RBFOX1: variants seen among roughly 807,000 people sequenced by gnomAD.
RBFOX1 encodes the protein RNA binding protein fox-1 homolog 1.
Under a neutral mutation model 57.7 loss-of-function variants are expected in RBFOX1, and 8 were observed. That is an observed-to-expected ratio of 0.14 (90% CI 0.08 to 0.25). The LOEUF (loss-of-function observed/expected upper bound fraction) is 0.25. Ranked by LOEUF, RBFOX1 falls within the 10% of genes least tolerant of loss-of-function variation. The pLI is 1.00. For missense variants in RBFOX1, 611 were observed against 548.5 expected (o/e 1.11, Z -1.14); for synonymous variants, 326 against 222.4 (o/e 1.47, Z -4.15).
Position 7,688,797 on chromosome 16 carries a change from AGTT to A in RBFOX1, c.995+11966_995+11968del, listed in dbSNP as rs1055972556. On this transcript the variant is annotated intron_variant, in intron 14 of 15. Transcript: ENST00000550418. ...CATGGCATATGCCATTTCATAATCA[AGTT>A]GTTGTTAGAATATGTTTTTAATTCT... Among the ~76,000 whole-genome samples the A allele has an allele frequency of 1.5e-4, 23 of 152,216 alleles. 1 individual carries two copies. The highest frequency in any genetic ancestry group is 6.2e-4 in the South Asian group (3 of 4,822).
intron 2 of RBFOX1, among the ~76,000 whole-genome samples, chr16:5,591,695 G>A (rs773916773): frequency 4.6e-5 from 7 of 152,154 alleles, no homozygotes; most frequent in East Asian, 1.9e-4. Context: ...TTTTCTCCCC[G>A]TCATTCCATA....
At chr16:6,695,579 A>G (rs2345613) in intron 3 of RBFOX1, among the ~76,000 whole-genome samples, 1 of 46,082 alleles carries the variant, frequency 2.2e-5, no homozygotes, top group Non-Finnish European at 1.1e-4. Flanking sequence ...AGTATGAGAT[A>G]TAGAATGATG....
chr16:7,065,641 C>T (rs893498558), intron 4 of RBFOX1, among the ~76,000 whole-genome samples: 4 of 152,210 alleles, frequency 2.6e-5, no homozygotes, highest in East Asian at 3.9e-4. Context: ...CACATACTTA[C>T]CTTATTTTTT....
At chr16:7,234,290 C>G (rs1225432791) in intron 4 of RBFOX1, among the ~76,000 whole-genome samples, 2 of 152,038 alleles carry the variant, frequency 1.3e-5, no homozygotes, top group Non-Finnish European at 1.5e-5. Context: ...GCTCATTTCT[C>G]AGTGGTTTAT....
At chr16:5,944,964 TAA>T (rs386384118) in intron 4 of RBFOX1, among the ~76,000 whole-genome samples, 8 of 48,050 alleles carry the variant, frequency 1.7e-4, no homozygotes, top group Non-Finnish European at 1.0e-4. Context: ...GACTCTGTCA[TAA>T]AAAAAAAAAA....
intron 5 of RBFOX1, among the ~76,000 whole-genome samples, chr16:7,533,505 A>G (rs1354233326): frequency 6.6e-6 from 1 of 152,222 alleles, no homozygotes; most frequent in African/African-American, 2.4e-5. Context: ...ATCCATCACA[A>G]GTTGAAAATG....
chr16:5,543,871 A>G (rs537809072), intron 2 of RBFOX1, among the ~76,000 whole-genome samples: 2 of 152,248 alleles, frequency 1.3e-5, no homozygotes, highest in African/African-American at 2.4e-5. Flanking sequence ...GTGTAAAGAT[A>G]GGGAGTAAAA....
chr16:6,730,042 G>A (rs1247488877), intron 3 of RBFOX1, among the ~76,000 whole-genome samples: 2 of 152,068 alleles, frequency 1.3e-5, no homozygotes, highest in African/African-American at 4.8e-5. Context: ...AATAATCATG[G>A]AGATAATCTT....
chr16:5,793,608 C>T (rs2054777562), intron 3 of RBFOX1, among the ~76,000 whole-genome samples: 1 of 152,156 alleles, frequency 6.6e-6, no homozygotes, highest in African/African-American at 2.4e-5. Context: ...CTCATCTTAC[C>T]CACTACTCAA....
At chr16:6,393,798 C>A (rs1016148865) in intron 2 of RBFOX1, among the ~76,000 whole-genome samples, 1 of 152,060 alleles carries the variant, frequency 6.6e-6, no homozygotes, top group Non-Finnish European at 1.5e-5. Flanking sequence ...TATGGGTGAC[C>A]AATTAATTCA....
intron 2 of RBFOX1, among the ~76,000 whole-genome samples, chr16:6,531,251 G>C (rs2096654046): frequency 6.6e-6 from 1 of 152,186 alleles, no homozygotes; most frequent in Admixed American, 6.5e-5. Context: ...AGTTTGCTGT[G>C]TCTGTAGACT....
At chr16:5,555,298 G>C (rs941877933) in intron 2 of RBFOX1, among the ~76,000 whole-genome samples, 1 of 152,082 alleles carries the variant, frequency 6.6e-6, no homozygotes, top group Non-Finnish European at 1.5e-5. Context: ...TTGTTGCTCA[G>C]ATTGGAGTGC....
chr16:7,052,814 T>G (rs2050571175), intron 4 of RBFOX1, among the ~76,000 whole-genome samples: 1 of 152,186 alleles, frequency 6.6e-6, no homozygotes, highest in Admixed American at 6.5e-5. Flanking sequence ...TCCCATTTGT[T>G]TTCTTCTAAA....
chr16:5,448,811 T>A (rs959903148), intron 1 of RBFOX1, among the ~76,000 whole-genome samples: 3 of 152,158 alleles, frequency 2.0e-5, no homozygotes, highest in Non-Finnish European at 2.9e-5. Context: ...GCTCTAGGCA[T>A]CTGGGATACA....
chr16:6,596,037 CAT>C (rs536276989), intron 2 of RBFOX1, among the ~76,000 whole-genome samples: 36 of 151,746 alleles, frequency 2.4e-4, no homozygotes, highest in Non-Finnish European at 4.1e-4. Flanking sequence ...TTTCAAATCA[CAT>C]GTGATTTGAA....
chr16:6,434,321 C>G (rs534725672), intron 2 of RBFOX1, among the ~76,000 whole-genome samples: 1 of 152,074 alleles, frequency 6.6e-6, no homozygotes, highest in Non-Finnish European at 1.5e-5. Context: ...GGCCTTATTC[C>G]TCCTACATCT....
At chr16:6,767,179 G>A (rs1250058699) in intron 3 of RBFOX1, among the ~76,000 whole-genome samples, 1 of 152,038 alleles carries the variant, frequency 6.6e-6, no homozygotes, top group African/African-American at 2.4e-5. Flanking sequence ...CTCTAGAGTT[G>A]GGTATGGAAC....
chr16:6,657,572 T>G (rs1026834134), intron 3 of RBFOX1, among the ~76,000 whole-genome samples: 1 of 152,200 alleles, frequency 6.6e-6, no homozygotes, highest in East Asian at 1.9e-4. Context: ...GATGGGTTGT[T>G]TAGGAAATTT....
intron 1 of RBFOX1, among the ~76,000 whole-genome samples, chr16:6,147,827 C>T (rs1056112178): frequency 2.0e-5 from 3 of 152,186 alleles, no homozygotes; most frequent in Non-Finnish European, 2.9e-5. Flanking sequence ...CCTTCTTTCT[C>T]CTTTCAGTCT....
Sources: gnomAD v4.1 joint callset for allele counts (sites outside exome capture counted in the v4.1 genomes callset) on GRCh38, gnomAD v4.1.1 for gene constraint, MANE v1.5 for transcripts, NCBI Gene and HGNC (gene_info 2026-07-23, HGNC 2026-07-21) for gene names.